The following MYO10 variants were observed in gnomAD, a reference collection of about 807,000 sequenced individuals.
MYO10 encodes unconventional myosin-X.
In MYO10, 133 loss-of-function variants were observed where a neutral mutation model predicts 257.3. The ratio of observed to expected loss-of-function variants is 0.52; its 90% CI spans 0.45 to 0.60. MYO10 has a LOEUF of 0.60. Ranked by LOEUF, MYO10 falls within the 20% of genes least tolerant of loss-of-function variation. MYO10 has a pLI of 0.00. For synonymous variants in MYO10, 1,104 were observed against 1,028.6 expected (o/e 1.07, Z -1.40); for missense variants, 2,399 against 2,635.7 (o/e 0.91, Z 1.97).
At chr5:16,848,098 T>C (rs1307645841) in intron 2 of MYO10, among the ~76,000 whole-genome samples, 1 of 151,472 alleles carries the variant, frequency 6.6e-6, no homozygotes, top group Admixed American at 6.6e-5. Flanking sequence ...GCACTGATTT[T>C]ATGAACAGCT....
At chr5:16,833,191 G>A (rs1227262732) in intron 2 of MYO10, among the ~76,000 whole-genome samples, 2 of 149,726 alleles carry the variant, frequency 1.3e-5, no homozygotes, top group Non-Finnish European at 3.0e-5. Context: ...TTTTAATGAT[G>A]TTTTAAAATA....
chr5:16,673,648 T>C (rs1028325691), intron 36 of MYO10, 34 bp downstream of exon 36: 12 of 1,592,580 alleles, frequency 7.5e-6, no homozygotes, highest in Non-Finnish European at 9.4e-6. Context: ...AGCAAAGGCA[T>C]CTAACAGAAC....
intron 2 of MYO10, among the ~76,000 whole-genome samples, chr5:16,861,003 G>T (rs537076195): frequency 6.6e-6 from 1 of 152,208 alleles, no homozygotes; most frequent in South Asian, 2.1e-4. Context: ...TCTGAACCTG[G>T]TTGCTCATTA....
In MYO10 at chr5:16,824,595, G is replaced by A. The variant is rs539159552; in HGVS notation, c.121-6428C>T. 7.9e-4 allele frequency among the ~76,000 whole-genome samples: 121 copies of A among 152,300 alleles called. 1 individual carries two copies. Among genetic ancestry groups the A allele is most frequent in the South Asian group, 7.9e-3 (38 of 4,822 alleles). Reference sequence around the variant, plus strand: ...TCATAAAAACATCTTTCAGCCGGGCGCGGTGGCTCACGCTTGTAATCCCAG... The same window carrying A: ...TCATAAAAACATCTTTCAGCCGGGCACGGTGGCTCACGCTTGTAATCCCAG... On this transcript the variant is annotated intron_variant, in intron 2 of 40. Transcript: ENST00000513610.
rs1741877380 is a variant in MYO10, at chr5:16,794,682, A to T, written c.431T>A (p.Leu144Gln). The change falls in exon 4 of 41, where the codon CTG (leucine) becomes CAG (glutamine). Residue 144 changes from leucine (L) to glutamine (Q), a missense_variant. Leu to Gln is a moderately radical substitution (Grantham distance 113). This residue lies in a region of MYO10 where 242 missense variants were observed against 249.5 expected (regional missense o/e 0.97). Transcript: ENST00000513610. The part of the protein sequence containing the change: ...FAIANECYRC[L>Q]WKRHDNQCIL... ...GCACTGGTTGTCGTGGCGCTTCCAC[A>T]GGCAGCGGTAGCACTCGTTGGCGAT... 3 of 1,612,742 alleles carry T rather than the reference A, an allele frequency of 1.9e-6. No homozygotes were observed. The African/African-American group carries it at 4.0e-5, about 22-fold the overall frequency.
chr5:16,751,325 G>A (rs1415726183), intron 19 of MYO10, among the ~76,000 whole-genome samples: 1 of 152,094 alleles, frequency 6.6e-6, no homozygotes, highest in East Asian at 1.9e-4. Flanking sequence ...ATAATAGGTG[G>A]TGACAGTCCG....
intron 30 of MYO10, among the ~76,000 whole-genome samples, chr5:16,682,888 C>T (rs559166503): frequency 6.6e-6 from 1 of 152,204 alleles, no homozygotes; most frequent in East Asian, 1.9e-4. Flanking sequence ...ATGCAAAATT[C>T]TAAGGATGGA....
intron 1 of MYO10, among the ~76,000 whole-genome samples, chr5:16,890,834 T>A (rs1264250380): frequency 6.6e-6 from 1 of 151,486 alleles, no homozygotes. Flanking sequence ...AGCAAGACTC[T>A]GTCTCAAAAA....
intron 33 of MYO10, 28 bp from the exon 34 acceptor site, chr5:16,676,182 TA>T (rs759252727): frequency 6.2e-7 from 1 of 1,608,878 alleles, no homozygotes; most frequent in South Asian, 1.1e-5. Context: ...AAGCTTATTG[TA>T]AGAAACCTGT....
Position 16,769,193 on chromosome 5 carries a change from T to A in MYO10, c.941A>T (p.Asp314Val), listed in dbSNP as rs370064309. Reference sequence around the variant, plus strand: ...TTCCTCCTTGCTGAACTGCATCACGTCCATTGCCGTCTAGAAGAAAATAAA... The same window carrying A: ...TTCCTCCTTGCTGAACTGCATCACGACCATTGCCGTCTAGAAGAAAATAAA... ...ESFREVITAMDVMQFSKEEVR... is the reference protein window; with the variant it reads ...ESFREVITAMVVMQFSKEEVR... The change falls in exon 10 of 41, where the codon GAC becomes GTC. Residue 314 changes from aspartate to valine, a missense_variant. Asp to Val is a radical substitution (Grantham distance 152). This residue lies in a region of MYO10 where 337 missense variants were observed against 446.8 expected (regional missense o/e 0.75). Coordinates refer to ENST00000513610, the MANE Select transcript of MYO10 (RefSeq NM_012334.3). 87 of 1,606,170 alleles carry A rather than the reference T, an allele frequency of 5.4e-5. No individual in the cohort carries two copies. The highest frequency in any genetic ancestry group is 5.3e-5 in the Non-Finnish European group (62 of 1,177,340).
chr5:16,890,228 C>T (rs1745011943), intron 1 of MYO10, among the ~76,000 whole-genome samples: 1 of 151,778 alleles, frequency 6.6e-6, no homozygotes, highest in Non-Finnish European at 1.5e-5. Flanking sequence ...ATCAAAATGA[C>T]ACATAATGTG....
At chr5:16,770,987 C>T (rs1206335748) in intron 9 of MYO10, among the ~76,000 whole-genome samples, 1 of 152,138 alleles carries the variant, frequency 6.6e-6, no homozygotes, top group East Asian at 1.9e-4. Context: ...AGGCTGGTCT[C>T]GAACTCCCAA....
intron 19 of MYO10, chr5:16,738,250 A>AG: frequency 1.6e-5 from 16 of 984,982 alleles, no homozygotes; most frequent in Non-Finnish European, 1.9e-5. Flanking sequence ...CAAGAGGAGG[A>AG]GGGGTGGTCA....
chr5:16,829,464 G>C (rs1337907773), intron 2 of MYO10, among the ~76,000 whole-genome samples: 1 of 152,192 alleles, frequency 6.6e-6, no homozygotes, highest in Non-Finnish European at 1.5e-5. Flanking sequence ...AGGAGCAATC[G>C]CCACAAACAC....
chr5:16,834,260 G>A (rs142460967), intron 2 of MYO10, among the ~76,000 whole-genome samples: 2 of 152,140 alleles, frequency 1.3e-5, no homozygotes, highest in African/African-American at 2.4e-5. Context: ...TTGTAACCTC[G>A]GTTTTCTTAC....
At chr5:16,839,388 G>T (rs1743403994) in intron 2 of MYO10, among the ~76,000 whole-genome samples, 1 of 152,084 alleles carries the variant, frequency 6.6e-6, no homozygotes, top group South Asian at 2.1e-4. Context: ...GAATAGCAAG[G>T]GCACTAGAAT....
chr5:16,891,724 C>T (rs1474472016), intron 1 of MYO10, among the ~76,000 whole-genome samples: 2 of 152,108 alleles, frequency 1.3e-5, no homozygotes, highest in African/African-American at 4.8e-5. Context: ...TCCCTGGAAT[C>T]CGTTATCCCA....
At chr5:16,858,441 T>TAAAA (rs56792705) in intron 2 of MYO10, among the ~76,000 whole-genome samples, 13,382 of 135,104 alleles carry the variant, frequency 0.099, 1,088 homozygotes, top group African/African-American at 0.22. Context: ...GCTACTTTTG[T>TAAAA]AAAAAAAAAA....
intron 3 of MYO10, among the ~76,000 whole-genome samples, chr5:16,809,121 C>A (rs917113088): frequency 1.3e-5 from 2 of 151,752 alleles, no homozygotes; most frequent in Admixed American, 6.6e-5. Context: ...TATAGTCAGA[C>A]AGATGGTTAC....
Sources: gnomAD v4.1 joint callset for allele counts (sites outside exome capture counted in the v4.1 genomes callset) on GRCh38, gnomAD v4.1.1 for gene constraint, gnomAD v4.1.1 regional missense constraint, MANE v1.5 for transcripts, NCBI Gene and HGNC (gene_info 2026-07-23, HGNC 2026-07-21) for gene names.